ENAH: variants seen among roughly 807,000 people sequenced by gnomAD.
The protein encoded by ENAH is protein enabled homolog.
ENAH carries 23 observed loss-of-function variants against 78.7 expected under a neutral mutation model. The observed-to-expected ratio is 0.29, with a 90% CI of 0.21 to 0.41. ENAH has a LOEUF of 0.41. Among genes scored for constraint, ENAH ranks in the 10% least tolerant of loss-of-function variants. The pLI, the probability that ENAH is intolerant of heterozygous loss-of-function variation, is 1.00. For missense variants in ENAH, 544 were observed against 691.0 expected, an observed-to-expected ratio of 0.79 and a Z score of 2.39; for synonymous variants, 226 against 241.0, an observed-to-expected ratio of 0.94 and a Z score of 0.58.
chr1:225,627,831 G>A (rs902017250), intron 1 of ENAH, among the ~76,000 whole-genome samples: 2 of 152,164 alleles, frequency 1.3e-5, no homozygotes, highest in Non-Finnish European at 2.9e-5. Context: ...TGGTGGAGTG[G>A]AGAAGAGAGC....
intron 2 of ENAH, among the ~76,000 whole-genome samples, chr1:225,565,058 A>G (rs1558824272): frequency 6.6e-6 from 1 of 152,170 alleles, no homozygotes; most frequent in East Asian, 1.9e-4. Flanking sequence ...GAAACATTCT[A>G]TTTTCCAAAA....
intron 4 of ENAH, among the ~76,000 whole-genome samples, chr1:225,524,834 C>T (rs2096493084): frequency 6.6e-6 from 1 of 152,142 alleles, no homozygotes; most frequent in South Asian, 2.1e-4. Flanking sequence ...GAATATGTTT[C>T]CTCATCATGG....
intron 5 of ENAH, chr1:225,518,135 A>T (rs2096436438): frequency 1.5e-6 from 1 of 645,462 alleles, no homozygotes; most frequent in Non-Finnish European, 2.5e-6. Flanking sequence ...GCACAAACGC[A>T]AATAACTATT....
At chr1:225,573,912 C>A (rs2096775492) in intron 1 of ENAH, among the ~76,000 whole-genome samples, 1 of 152,142 alleles carries the variant, frequency 6.6e-6, no homozygotes, top group African/African-American at 2.4e-5. Flanking sequence ...CCCCTATGTG[C>A]AGCACAGAGC....
intron 4 of ENAH, among the ~76,000 whole-genome samples, chr1:225,526,575 G>A (rs2096507278): frequency 1.3e-5 from 2 of 151,346 alleles, no homozygotes; most frequent in Non-Finnish European, 2.9e-5. Flanking sequence ...CTAACCTCGT[G>A]ATCTGCCCAC....
intron 10 of ENAH, among the ~76,000 whole-genome samples, chr1:225,510,335 TG>T (rs755853723): frequency 3.9e-5 from 6 of 152,176 alleles, no homozygotes; most frequent in Non-Finnish European, 8.8e-5. Flanking sequence ...TGAACAAATC[TG>T]AATAAAAATA....
chr1:225,545,276 G>T (rs1575475147), intron 3 of ENAH, among the ~76,000 whole-genome samples: 1 of 152,170 alleles, frequency 6.6e-6, no homozygotes, highest in South Asian at 2.1e-4. Context: ...AGGCTGTTTG[G>T]AAAAGATAAA....
chr1:225,588,478 G>A (rs1382294387), intron 1 of ENAH, among the ~76,000 whole-genome samples: 1 of 152,170 alleles, frequency 6.6e-6, no homozygotes, highest in Non-Finnish European at 1.5e-5. Flanking sequence ...CTCCCACACA[G>A]CAATGGTGAG....
At chr1:225,569,248 A>G (rs561419536) in intron 1 of ENAH, among the ~76,000 whole-genome samples, 1 of 152,358 alleles carries the variant, frequency 6.6e-6, no homozygotes, top group South Asian at 2.1e-4. Context: ...ACAGGATAGT[A>G]GTTTCCAGTT....
At chr1:225,525,988 C>G (rs1034084946) in intron 4 of ENAH, among the ~76,000 whole-genome samples, 1 of 152,156 alleles carries the variant, frequency 6.6e-6, no homozygotes, top group African/African-American at 2.4e-5. Flanking sequence ...AGGGCCAAAT[C>G]TGGCTACAAC....
chr1:225,573,907 A>G (rs2096775435), intron 1 of ENAH, among the ~76,000 whole-genome samples: 1 of 152,170 alleles, frequency 6.6e-6, no homozygotes, highest in African/African-American at 2.4e-5. Context: ...TGAATCCCCT[A>G]TGTGCAGCAC....
intron 3 of ENAH, among the ~76,000 whole-genome samples, chr1:225,532,161 C>A (rs973574139): frequency 6.6e-6 from 1 of 151,964 alleles, no homozygotes; most frequent in Non-Finnish European, 1.5e-5. Context: ...GATGTAAAAA[C>A]AGACTCTCCT....
At chr1:225,547,422 GAA>G (rs1330272626) in intron 3 of ENAH, among the ~76,000 whole-genome samples, 1 of 152,102 alleles carries the variant, frequency 6.6e-6, no homozygotes, top group African/African-American at 2.4e-5. Flanking sequence ...CTTTCTTAAT[GAA>G]AAAGTTACCT....
At chr1:225,586,607 T>C (rs2096848315) in intron 1 of ENAH, among the ~76,000 whole-genome samples, 1 of 152,114 alleles carries the variant, frequency 6.6e-6, no homozygotes, top group Non-Finnish European at 1.5e-5. Context: ...AAGTTGGCAA[T>C]ATTAAAATAC....
Position 225,519,236 on chromosome 1 carries a change from T to C in ENAH, c.764A>G (p.Gln255Arg). ...RERQEQLEREQLEWERERRIS... is the reference protein window; with the variant it reads ...RERQEQLERERLEWERERRIS... ...TCTGCGCTCTCTCTCCCATTCCAGCTGTTCCCTTTCTAACTGCTCTTGTCG... is the reference window on the plus strand; with the variant it reads ...TCTGCGCTCTCTCTCCCATTCCAGCCGTTCCCTTTCTAACTGCTCTTGTCG... The change falls in exon 5 of 14, where the codon CAG (glutamine) becomes CGG (arginine). Residue 255 changes from glutamine to arginine, a missense_variant. Coordinates refer to ENST00000366843, the MANE Select transcript of ENAH (RefSeq NM_018212.6). 1 of 1,614,252 alleles carries C rather than the reference T, an allele frequency of 6.2e-7. No individual in the cohort carries two copies. The highest frequency in any genetic ancestry group is 8.5e-7 in the Non-Finnish European group (1 of 1,180,044).
intron 11 of ENAH, among the ~76,000 whole-genome samples, chr1:225,506,555 T>C (rs540384374): frequency 6.6e-5 from 10 of 152,204 alleles, no homozygotes; most frequent in South Asian, 2.1e-4. Context: ...CCGTAACTAG[T>C]AGAGATGTGT....
intron 1 of ENAH, among the ~76,000 whole-genome samples, chr1:225,574,355 C>T (rs1325692278): frequency 1.3e-5 from 2 of 152,160 alleles, no homozygotes; most frequent in Non-Finnish European, 2.9e-5. Flanking sequence ...AATCCCAGCA[C>T]ATTGAGAGGC....
intron 1 of ENAH, among the ~76,000 whole-genome samples, chr1:225,572,190 C>G (rs1435277665): frequency 6.6e-6 from 1 of 151,940 alleles, no homozygotes; most frequent in Non-Finnish European, 1.5e-5. Flanking sequence ...GGTGAAATCT[C>G]GAGAAGAGAC....
intron 5 of ENAH, chr1:225,518,070 C>G: frequency 8.0e-7 from 1 of 1,253,412 alleles, no homozygotes; most frequent in Non-Finnish European, 1.1e-6. Context: ...AGCCACAAAA[C>G]CAGCATTCAG....
Sources: allele counts gnomAD v4.1 joint callset (sites outside exome capture counted in the v4.1 genomes callset), GRCh38; gene constraint gnomAD v4.1.1; transcripts MANE v1.5; gene names NCBI Gene and HGNC (gene_info 2026-07-23, HGNC 2026-07-21).